LMF1: variants seen among roughly 807,000 people sequenced by gnomAD.
LMF1 encodes lipase maturation factor 1, also known as transmembrane protein 112.
In LMF1, 68 loss-of-function variants were observed where a neutral mutation model predicts 60.6. The observed-to-expected ratio is 1.12, with a 90% CI of 0.92 to 1.37. LMF1 has a LOEUF of 1.37. Ranked by LOEUF, LMF1 falls within the 40% of genes most tolerant of loss-of-function variation. LMF1 has a pLI of 0.00. For missense variants in LMF1, 948 were observed against 767.2 expected (o/e 1.24, Z -2.78); for synonymous variants, 418 against 324.7 (o/e 1.29, Z -3.09).
intron 3 of LMF1, among the ~76,000 whole-genome samples, chr16:932,364 C>G (rs983800841): frequency 2.0e-4 from 31 of 152,218 alleles, no homozygotes; most frequent in African/African-American, 7.5e-4. Flanking sequence ...GCCGCTGCCC[C>G]CCGAGCCTGC....
chr16:971,025 G>T, upstream of LMF1: 1 of 1,357,370 alleles, frequency 7.4e-7, no homozygotes, highest in Non-Finnish European at 9.5e-7. Flanking sequence ...ATTCTCGGAG[G>T]CCCCGCCCAT....
chr16:875,999 C>A (rs1430638391), intron 6 of LMF1, among the ~76,000 whole-genome samples: 1 of 151,506 alleles, frequency 6.6e-6, no homozygotes, highest in Admixed American at 6.5e-5. Context: ...AGGCTGGACA[C>A]CCCTCCCTGG....
At chr16:980,864 C>A (rs1336714055) in intron 1 of LMF1, 1 of 152,092 alleles carries the variant, frequency 6.6e-6, no homozygotes, top group East Asian at 1.9e-4. Flanking sequence ...CCGCCTCTGC[C>A]GGACCACCCA....
rs567829355 is a variant in LMF1 at position 871,533 on chromosome 16, G to A, written c.898-192C>T. The A allele has an allele frequency of 5.3e-5, 32 of 605,906 alleles. No homozygotes were observed. The East Asian group carries it at 8.3e-4, about 16-fold the overall frequency. The allele number at this position is 605,906 out of a possible 1,614,324, so 37.5% of individuals were successfully genotyped here. ...GGAGGGGACAGCAGATGCCTCAGAGGTGCCTTCCGGCAGGTGCTTCCAGAA... is the reference window on the plus strand; with the variant it reads ...GGAGGGGACAGCAGATGCCTCAGAGATGCCTTCCGGCAGGTGCTTCCAGAA... On this transcript the variant is annotated intron_variant, in intron 6 of 10. Transcript: ENST00000262301.
rs1486854230 is a variant in LMF1, at chr16:853,641, G to C, written c.*891C>G. The C allele has an allele frequency of 2.2e-6, 1 of 448,432 alleles. No homozygotes were observed. The highest frequency in any genetic ancestry group is 2.4e-5 in the Admixed American group (1 of 42,454). The allele number at this position is 448,432 out of a possible 1,614,324, so 27.8% of individuals were successfully genotyped here. ...CTTCATTTAAACAGTGTGTTTTCGA[G>C]TAAGCTGGTAAGTGGTATAATAGGA... On this transcript the variant is annotated 3_prime_UTR_variant, in exon 11 of 11. Transcript: ENST00000262301.
chr16:921,821 G>C (rs997441087), intron 3 of LMF1, among the ~76,000 whole-genome samples: 5 of 152,174 alleles, frequency 3.3e-5, no homozygotes, highest in Non-Finnish European at 7.3e-5. Context: ...GGCGGTCCCC[G>C]TGCGGGTTTT....
intron 3 of LMF1, among the ~76,000 whole-genome samples, chr16:923,699 T>A (rs2071508168): frequency 6.6e-6 from 1 of 152,138 alleles, no homozygotes; most frequent in African/African-American, 2.4e-5. Context: ...CATCTTAGGA[T>A]CCCTGGAATG....
At chr16:933,912 G>A in intron 3 of LMF1, 2 of 1,285,474 alleles carry the variant, frequency 1.6e-6, no homozygotes, top group Non-Finnish European at 2.0e-6. Context: ...ATGCCGAGGG[G>A]CACACAGCCT....
chr16:954,633 T>C lies in LMF1; in HGVS notation c.227A>G (p.Lys76Arg). The C allele has an allele frequency of 1.9e-6, 3 of 1,605,204 alleles. No homozygotes were observed. The highest frequency in any genetic ancestry group is 2.6e-6 in the Non-Finnish European group (3 of 1,174,002). The change falls in exon 2 of 11, where the codon AAG becomes AGG. Residue 76 changes from lysine (K) to arginine (R), a missense_variant. Lys to Arg is a conservative substitution (Grantham distance 26). Transcript: ENST00000262301. ...CAGCCCCCTGTCACCGATGAGCTGC[T>C]TGTTCTGATGGAAAGCCACCAGGAA... ...VAFLVAFHQN[K>R]QLIGDRGLLP...
At chr16:980,092 G>C (rs542743257) in intron 1 of LMF1, 4 of 287,010 alleles carry the variant, frequency 1.4e-5, no homozygotes, top group African/African-American at 8.9e-5. Context: ...CTCCCAACTC[G>C]CGCACTCCGT....
rs756729919 is a variant in LMF1 at position 954,582 on chromosome 16, T to C, written c.278A>G (p.Asn93Ser). The change falls in exon 2 of 11, where the codon AAC becomes AGC. Residue 93 changes from asparagine (N) to serine (S), a missense_variant. Transcript: ENST00000262301. Reference protein sequence around the residue: ...GLLPCRVFLKNFQQYFQDRTS... With the variant: ...GLLPCRVFLKSFQQYFQDRTS... ...CCTGTCCTGGAAGTACTGCTGGAAGTTCTTCAGGAACACTCTGCAGGGAAG... is the reference window on the plus strand; with the variant it reads ...CCTGTCCTGGAAGTACTGCTGGAAGCTCTTCAGGAACACTCTGCAGGGAAG... The C allele has an allele frequency of 6.2e-7, 1 of 1,613,182 alleles. No individual in the cohort carries two copies. The highest frequency in any genetic ancestry group is 1.7e-5 in the Admixed American group (1 of 60,016).
At chr16:918,873 G>A (rs942253239) in intron 3 of LMF1, among the ~76,000 whole-genome samples, 5 of 152,004 alleles carry the variant, frequency 3.3e-5, no homozygotes, top group African/African-American at 9.7e-5. Flanking sequence ...TGGGGCCAGT[G>A]CCCTGGGGTG....
At chr16:927,404 C>T (rs1242337633) in intron 3 of LMF1, among the ~76,000 whole-genome samples, 1 of 152,226 alleles carries the variant, frequency 6.6e-6, no homozygotes, top group Admixed American at 6.5e-5. Flanking sequence ...GGATGCTTCT[C>T]CCCCAGGGAG....
At chr16:952,537 C>G (rs1438073391) in intron 2 of LMF1, 1 of 152,740 alleles carries the variant, frequency 6.5e-6, no homozygotes, top group African/African-American at 2.4e-5. Flanking sequence ...AAAACACAGG[C>G]TCCACAGCCC....
At chr16:913,750 C>T (rs1284580952) in intron 3 of LMF1, among the ~76,000 whole-genome samples, 6 of 152,236 alleles carry the variant, frequency 3.9e-5, no homozygotes, top group African/African-American at 1.4e-4. Context: ...AGCCTCATAA[C>T]TGCCTTGCTG....
chr16:904,407 G>A (rs76514278), intron 4 of LMF1, among the ~76,000 whole-genome samples: 1 of 111,036 alleles, frequency 9.0e-6, no homozygotes, highest in Admixed American at 9.5e-5. Flanking sequence ...CCCACAGGAC[G>A]CCTGTCTCTG....
Position 854,682 on chromosome 16 carries a change from C to A in LMF1, c.1554G>T (p.Arg518Ser). The change falls in exon 11 of 11, where the codon AGG becomes AGT. Residue 518 changes from arginine to serine, a missense_variant. Coordinates refer to ENST00000262301, the MANE Select transcript of LMF1 (RefSeq NM_022773.4). ...TGCCCCCAGGACGGCTGAACTTGTA[C>A]CTGTAGTGCTCTCCTCGGACCCACC... The part of the protein sequence containing the change: ...PPRWVRGEHY[R>S]YKFSRPGGRH... 4 of 1,600,586 alleles carry A rather than the reference C, an allele frequency of 2.5e-6. No individual in the cohort carries two copies. The highest frequency in any genetic ancestry group is 3.4e-6 in the Non-Finnish European group (4 of 1,177,218).
intron 6 of LMF1, 93 bp from the exon 7 acceptor site, chr16:871,434 G>A: frequency 1.7e-6 from 2 of 1,190,300 alleles, no homozygotes; most frequent in Non-Finnish European, 2.4e-6. Flanking sequence ...GAGGGGGGAG[G>A]GAACCTGCAC....
chr16:939,636 C>A (rs2151793631), intron 2 of LMF1, among the ~76,000 whole-genome samples: 1 of 152,372 alleles, frequency 6.6e-6, no homozygotes, highest in African/African-American at 2.4e-5. Flanking sequence ...CTCCACGCGG[C>A]CTCTGCCTCT....
Sources: gnomAD v4.1 joint callset for allele counts (sites outside exome capture counted in the v4.1 genomes callset) on GRCh38, gnomAD v4.1.1 for gene constraint, MANE v1.5 for transcripts, NCBI Gene and HGNC (gene_info 2026-07-23, HGNC 2026-07-21) for gene names.